The following AK8 variants were observed in gnomAD, a reference collection of about 807,000 sequenced individuals.
The protein encoded by AK8 is ATP-AMP transphosphorylase 8.
A neutral mutation model predicts 54.6 loss-of-function variants in AK8; 44 were observed. The observed-to-expected ratio is 0.81, with a 90% CI of 0.63 to 1.04. The LOEUF (loss-of-function observed/expected upper bound fraction) is 1.04, where lower values mean the gene tolerates loss of function less well. Among genes scored for constraint, AK8 ranks in the 50% least tolerant of loss-of-function variants. The probability of loss-of-function intolerance (pLI) is 0.00; values close to 1 mark genes in which losing one functional copy is unlikely to be tolerated. For missense variants in AK8, 555 were observed against 613.6 expected, an observed-to-expected ratio of 0.90 and a Z score of 1.01; for synonymous variants, 239 against 245.6, an observed-to-expected ratio of 0.97 and a Z score of 0.25.
intron 11 of AK8, among the ~76,000 whole-genome samples, chr9:132,782,689 C>CAA (rs147733384): frequency 1.0e-4 from 14 of 139,996 alleles, no homozygotes; most frequent in African/African-American, 3.1e-4. Flanking sequence ...AATTCCGTCT[C>CAA]AAAAAAAAAA....
intron 9 of AK8, among the ~76,000 whole-genome samples, chr9:132,815,215 A>G (rs1440428913): frequency 6.6e-6 from 1 of 152,236 alleles, no homozygotes; most frequent in Non-Finnish European, 1.5e-5. Flanking sequence ...CTGGCAGGGC[A>G]TCTCCATGGG....
rs1393314056 is a variant in AK8, at chr9:132,754,805, T to TG, written c.1122-27272_1122-27271insC. Among the ~76,000 whole-genome samples the TG allele has an allele frequency of 2.5e-4, 38 of 151,998 alleles. 1 individual carries two copies. In the East Asian group the frequency reaches 4.4e-3, roughly 18 times the overall value. Reference sequence around the variant, plus strand: ...CCACTGATTTTTGTTTTTTGGTTTTTTTTTTTTTTTTGAGACAGAGTTTTG... The same window carrying TG: ...CCACTGATTTTTGTTTTTTGGTTTTTGTTTTTTTTTTTGAGACAGAGTTTTG... On this transcript the variant is annotated intron_variant, in intron 11 of 12. Transcript: ENST00000298545.
At chr9:132,839,069 A>G (rs1280878607) in intron 5 of AK8, among the ~76,000 whole-genome samples, 1 of 151,378 alleles carries the variant, frequency 6.6e-6, no homozygotes, top group East Asian at 1.9e-4. Context: ...TCAGCCTCCT[A>G]AGTAGTTAGG....
chr9:132,842,205 C>T (rs1842572416), intron 5 of AK8, among the ~76,000 whole-genome samples: 1 of 152,138 alleles, frequency 6.6e-6, no homozygotes, highest in Non-Finnish European at 1.5e-5. Flanking sequence ...GATAGGGCTG[C>T]TGGATTTTAA....
rs1836639457 is a variant in AK8, at chr9:132,727,669, T to C, written c.1122-135A>G. The C allele has an allele frequency of 6.4e-6, 5 of 778,140 alleles. No individual in the cohort carries two copies. The Admixed American group carries it at 7.0e-5, about 11-fold the overall frequency. 48.2% of individuals were successfully genotyped at this position (778,140 alleles called of 1,614,324 possible). ...GCCGATTCCTAGAGCCAGCAAGCAA[T>C]GTGCCTGCAAACCTGCCTTTCATGT... is the stretch of plus-strand genomic sequence containing the variant. On this transcript the variant is annotated intron_variant, in intron 11 of 12. Transcript: ENST00000298545.
In AK8 at chr9:132,792,684, C is replaced by A; in HGVS notation, c.1071G>T (p.Arg357=). 6.4e-7 allele frequency: 1 copy of A among 1,555,810 alleles called. No individual in the cohort carries two copies. The highest frequency in any genetic ancestry group is 2.4e-5 in the East Asian group (1 of 41,482). The change falls in exon 11 of 13, where the codon CGG becomes CGT. Residue 357 remains arginine, a synonymous_variant. Transcript: ENST00000298545. The stretch of plus-strand genomic sequence containing the variant: ...TCAGCAGGTGTGCCTGGTCGAGGTC[C>A]CGCGGGACGCCGTGTAGCACCCAGC... ...QKGWVLHGVP[R]DLDQAHLLNR...
chr9:132,864,929 C>T (rs577000239), intron 3 of AK8, among the ~76,000 whole-genome samples: 3 of 152,334 alleles, frequency 2.0e-5, no homozygotes, highest in South Asian at 2.1e-4. Context: ...ACGAGTTCAA[C>T]GAGCTTGTCT....
intron 11 of AK8, among the ~76,000 whole-genome samples, chr9:132,764,787 C>A (rs1838646339): frequency 6.6e-6 from 1 of 152,154 alleles, no homozygotes; most frequent in Non-Finnish European, 1.5e-5. Flanking sequence ...CCTTTTGCAC[C>A]AACCTAATAC....
chr9:132,805,550 G>A (rs1264754785), intron 10 of AK8, among the ~76,000 whole-genome samples: 1 of 152,158 alleles, frequency 6.6e-6, no homozygotes, highest in Non-Finnish European at 1.5e-5. Flanking sequence ...ATCTTTTGGT[G>A]ACGGGGCTGC....
At position 132,878,126 on chromosome 9, in the gene AK8, T is replaced by C. The variant is rs1844227017; in HGVS notation, c.84+46A>G. ...GCGCACCCGACGTCGCAGTGGAGGC[T>C]CCCGAGCCGCCGCCAGCGTCGCGAC... is the stretch of plus-strand genomic sequence containing the variant. On this transcript the variant is annotated intron_variant, in intron 1 of 12. Transcript: ENST00000298545. The surrounding 1 kb of genome is among the most constrained non-coding windows in gnomAD (Gnocchi z 4.7). 1 of 1,535,746 alleles carries C rather than the reference T, an allele frequency of 6.5e-7. No individual in the cohort carries two copies. Among genetic ancestry groups the C allele is most frequent in the Non-Finnish European group, 8.8e-7 (1 of 1,141,524 alleles).
At chr9:132,822,293 A>G (rs1002691887) in intron 9 of AK8, among the ~76,000 whole-genome samples, 1 of 142,344 alleles carries the variant, frequency 7.0e-6, no homozygotes, top group African/African-American at 2.6e-5. Flanking sequence ...ATGTGTATGT[A>G]TATACAAATA....
chr9:132,854,979 AG>A, intron 4 of AK8, 54 bp from the exon 5 acceptor site: 1 of 1,592,448 alleles, frequency 6.3e-7, no homozygotes, highest in Non-Finnish European at 8.6e-7. Context: ...CCTGCAGCTC[AG>A]GACACAGACC....
chr9:132,772,500 T>C (rs1189133833), intron 11 of AK8, among the ~76,000 whole-genome samples: 1 of 152,202 alleles, frequency 6.6e-6, no homozygotes, highest in East Asian at 1.9e-4. Flanking sequence ...GAGGATGCAG[T>C]GAGAGGCCTC....
chr9:132,725,627 GGGGGGCT>G lies in AK8; in HGVS notation c.*54_*60del. On this transcript the variant is annotated 3_prime_UTR_variant, in exon 13 of 13. Coordinates refer to ENST00000298545, the MANE Select transcript of AK8 (RefSeq NM_152572.3). ...TTTTTAGGGGAGCTGTGCCGAGGCTGGGGGGCTGGGGGCAGGGGATTAACTCTTTCCC... is the reference window on the plus strand; with the variant it reads ...TTTTTAGGGGAGCTGTGCCGAGGCTGGGGGGCAGGGGATTAACTCTTTCCC... 1 of 1,425,954 alleles carries G rather than the reference GGGGGGCT, an allele frequency of 7.0e-7. No individual in the cohort carries two copies. The highest frequency in any genetic ancestry group is 9.6e-7 in the Non-Finnish European group (1 of 1,040,110). 88.3% of individuals were successfully genotyped at this position (1,425,954 alleles called of 1,614,324 possible).
In AK8 at chr9:132,855,068, G is replaced by A. The variant is rs143120569; in HGVS notation, c.334-143C>T. 253 of 751,152 alleles carry A rather than the reference G, an allele frequency of 3.4e-4. No individual in the cohort carries two copies. The African/African-American group carries it at 3.9e-3, about 12-fold the overall frequency. 46.5% of individuals were successfully genotyped at this position (751,152 alleles called of 1,614,324 possible). The stretch of plus-strand genomic sequence containing the variant: ...GGGCCCCGCCCTTCCTCCACCCGCT[G>A]CACCCTTTCCTTGAACTCTCTTCTC... On this transcript the variant is annotated intron_variant, in intron 4 of 12. Transcript: ENST00000298545.
At chr9:132,856,004 G>A (rs1190754782) in intron 4 of AK8, among the ~76,000 whole-genome samples, 2 of 152,142 alleles carry the variant, frequency 1.3e-5, no homozygotes, top group Non-Finnish European at 1.5e-5. Context: ...GGAGGAAGCT[G>A]AGCCTGGGAG....
chr9:132,772,312 T>G (rs1839017574), intron 11 of AK8, among the ~76,000 whole-genome samples: 1 of 152,242 alleles, frequency 6.6e-6, no homozygotes, highest in African/African-American at 2.4e-5. Flanking sequence ...AAAATTCACC[T>G]GTGAAGCCCT....
At chr9:132,827,461 G>C (rs755436173) in intron 7 of AK8, 1 of 236,044 alleles carries the variant, frequency 4.2e-6, no homozygotes, top group Non-Finnish European at 8.4e-6. Context: ...GACAGAGTTA[G>C]GGATCCACAA....
chr9:132,786,860 T>C (rs998856721), intron 11 of AK8, among the ~76,000 whole-genome samples: 27 of 151,816 alleles, frequency 1.8e-4, no homozygotes, highest in African/African-American at 6.3e-4. Flanking sequence ...TATCTCCCCA[T>C]CCTCCTAACA....
Sources: allele counts gnomAD v4.1 joint callset (sites outside exome capture counted in the v4.1 genomes callset), GRCh38; gene constraint gnomAD v4.1.1; non-coding constraint Gnocchi (gnomAD v3.1); transcripts MANE v1.5; gene names NCBI Gene and HGNC (gene_info 2026-07-23, HGNC 2026-07-21).